NTM: variants seen among roughly 807,000 people sequenced by gnomAD.
NTM encodes IgLON family member 2.
Under a neutral mutation model 42.1 loss-of-function variants are expected in NTM, and 13 were observed. That is an observed-to-expected ratio of 0.31 (90% CI 0.20 to 0.49). NTM has a LOEUF of 0.49. NTM is among the 20% of genes least tolerant of loss of function. NTM has a pLI of 0.99. For missense variants in NTM, 373 were observed against 452.8 expected (o/e 0.82, Z 1.60); for synonymous variants, 187 against 179.2 (o/e 1.04, Z -0.35).
chr11:131,841,592 A>T (rs554698629), intron 1 of NTM, among the ~76,000 whole-genome samples: 1 of 152,332 alleles, frequency 6.6e-6, no homozygotes, highest in Admixed American at 6.5e-5. Context: ...CAAGGACGAG[A>T]ATTGCTGATC....
At chr11:131,855,687 G>T (rs1173798735) in intron 1 of NTM, among the ~76,000 whole-genome samples, 2 of 151,182 alleles carry the variant, frequency 1.3e-5, no homozygotes, top group African/African-American at 4.8e-5. Flanking sequence ...TGTGTTTAAA[G>T]AACAGTCAAA....
chr11:132,230,824 C>G (rs1048136750), intron 4 of NTM, among the ~76,000 whole-genome samples: 1 of 152,122 alleles, frequency 6.6e-6, no homozygotes, highest in Non-Finnish European at 1.5e-5. Flanking sequence ...GAGTTCGAGA[C>G]CAGCCTAGGC....
At chr11:131,620,201 G>C (rs538238978) in intron 1 of NTM, among the ~76,000 whole-genome samples, 1 of 152,266 alleles carries the variant, frequency 6.6e-6, no homozygotes, top group Non-Finnish European at 1.5e-5. Context: ...CTCTAAGTTT[G>C]AAATAAAGTT....
chr11:132,008,588 C>A (rs1353569230), intron 2 of NTM, among the ~76,000 whole-genome samples: 1 of 151,850 alleles, frequency 6.6e-6, no homozygotes, highest in African/African-American at 2.4e-5. Context: ...GATGTGAGTG[C>A]TGAGGGGTTT....
At chr11:131,695,821 G>A (rs2075376376) in intron 1 of NTM, among the ~76,000 whole-genome samples, 1 of 152,162 alleles carries the variant, frequency 6.6e-6, no homozygotes, top group Non-Finnish European at 1.5e-5. Flanking sequence ...ATTCCATTGA[G>A]GAAAGAGGCT....
chr11:131,681,288 A>T (rs1199479490), intron 1 of NTM, among the ~76,000 whole-genome samples: 7 of 9,548 alleles, frequency 7.3e-4, no homozygotes, highest in Non-Finnish European at 9.9e-4. Context: ...TGTGTGTGTG[A>T]GCGTGTGTGT....
At chr11:132,250,647 T>C (rs2091842274) in intron 4 of NTM, among the ~76,000 whole-genome samples, 1 of 152,146 alleles carries the variant, frequency 6.6e-6, no homozygotes, top group Non-Finnish European at 1.5e-5. Flanking sequence ...TCTCTTTAGC[T>C]GTGTCTCATA....
chr11:132,039,006 GTTAT>G (rs2076850275), intron 2 of NTM, among the ~76,000 whole-genome samples: 1 of 152,162 alleles, frequency 6.6e-6, no homozygotes, highest in South Asian at 2.1e-4. Flanking sequence ...TGTCTGAGTG[GTTAT>G]TTGAGTGAGG....
At chr11:131,622,547 T>G (rs1296082968) in intron 1 of NTM, among the ~76,000 whole-genome samples, 2 of 152,218 alleles carry the variant, frequency 1.3e-5, no homozygotes, top group African/African-American at 4.8e-5. Context: ...GACCAGATTA[T>G]TAAATTAACC....
intron 1 of NTM, among the ~76,000 whole-genome samples, chr11:131,762,243 G>A (rs1310899453): frequency 1.3e-5 from 2 of 152,202 alleles, no homozygotes. Context: ...TGGCTCAATA[G>A]AAAAATAGTA....
intron 4 of NTM, among the ~76,000 whole-genome samples, chr11:132,256,929 A>G (rs1455175226): frequency 1.3e-5 from 2 of 152,160 alleles, no homozygotes; most frequent in Non-Finnish European, 2.9e-5. Flanking sequence ...GTCACTCTCC[A>G]ATATTTCCTT....
intron 2 of NTM, among the ~76,000 whole-genome samples, chr11:132,073,836 C>G (rs1196062067): frequency 6.6e-6 from 1 of 152,128 alleles, no homozygotes; most frequent in Non-Finnish European, 1.5e-5. Context: ...TTAGTTCTAT[C>G]CCATTTCTGG....
chr11:131,568,058 A>G (rs1441849481), intron 1 of NTM, among the ~76,000 whole-genome samples: 1 of 152,248 alleles, frequency 6.6e-6, no homozygotes, highest in Non-Finnish European at 1.5e-5. Flanking sequence ...TGTGTTTTAC[A>G]TATAGTAAGT....
rs143791360 is a variant in NTM, at chr11:131,560,259, C to T, written c.82+189371C>T. 7.9e-5 allele frequency among the ~76,000 whole-genome samples: 12 copies of T among 152,214 alleles called. No homozygotes were observed. The East Asian group carries it at 1.9e-3, about 25-fold the overall frequency. On this transcript the variant is annotated intron_variant, in intron 1 of 8. Transcript: ENST00000683400. ...GAAGGCTAGGAGGTTTTCCAGCTTTCTACATGGAAGATCCCGTTCTTCCTC... is the reference window on the plus strand; with the variant it reads ...GAAGGCTAGGAGGTTTTCCAGCTTTTTACATGGAAGATCCCGTTCTTCCTC...
chr11:132,111,059 ATC>A (rs2063107781), intron 2 of NTM, among the ~76,000 whole-genome samples: 1 of 99,686 alleles, frequency 1.0e-5, no homozygotes, highest in Admixed American at 1.4e-4. Context: ...GCAAGGCCCT[ATC>A]TCAAAAAAAA....
chr11:132,137,958 C>T (rs376561497), intron 2 of NTM, among the ~76,000 whole-genome samples: 1 of 152,186 alleles, frequency 6.6e-6, no homozygotes, highest in Non-Finnish European at 1.5e-5. Context: ...TCTACCCATG[C>T]CTTCTATTCC....
chr11:131,448,643 G>C (rs1415747741), intron 1 of NTM, among the ~76,000 whole-genome samples: 1 of 152,222 alleles, frequency 6.6e-6, no homozygotes, highest in Non-Finnish European at 1.5e-5. Context: ...GAAGGAAGAG[G>C]CTACCTCAGG....
chr11:132,334,428 C>G (rs2136506820), intron 8 of NTM, among the ~76,000 whole-genome samples: 1 of 152,334 alleles, frequency 6.6e-6, no homozygotes. Context: ...GGCATGTGAT[C>G]CTTGAGCTGC....
At chr11:131,978,058 G>T (rs2064676452) in intron 2 of NTM, among the ~76,000 whole-genome samples, 1 of 152,206 alleles carries the variant, frequency 6.6e-6, no homozygotes, top group African/African-American at 2.4e-5. Flanking sequence ...GGTCAGGAGA[G>T]AAGGGAGCCA....
Sources: allele counts gnomAD v4.1 joint callset (sites outside exome capture counted in the v4.1 genomes callset), GRCh38; gene constraint gnomAD v4.1.1; transcripts MANE v1.5; gene names NCBI Gene and HGNC (gene_info 2026-07-23, HGNC 2026-07-21).